Variants in OR8A1 observed in about 807,000 individuals in gnomAD.
OR8A1 encodes the protein olfactory receptor family 8 subfamily A member 1.
OR8A1 carries 5 observed loss-of-function variants against 13.4 expected under a neutral mutation model. The observed-to-expected ratio is 0.37, with a 90% CI of 0.19 to 0.78. The LOEUF (loss-of-function observed/expected upper bound fraction) is 0.78, where lower values mean the gene tolerates loss of function less well. Among genes scored for constraint, OR8A1 ranks in the 30% least tolerant of loss-of-function variants. OR8A1 has a pLI of 0.47. For missense variants in OR8A1, 354 were observed against 374.8 expected (o/e 0.94, Z 0.46); for synonymous variants, 156 against 150.4 (o/e 1.04, Z -0.27).
chr11:124,570,176 G>C lies in OR8A1; in HGVS notation c.57G>C (p.Lys19Asn), dbSNP rs371437140. 18 of 1,613,982 alleles carry C rather than the reference G, an allele frequency of 1.1e-5. No individual in the cohort carries two copies. The South Asian group carries it at 1.8e-4, about 16-fold the overall frequency. ...VTEFILKGLT[K>N]RADLQLPLFL... is the part of the protein sequence containing the mutation. ...AGTTCATTCTCAAGGGTTTAACGAA[G>C]AGAGCAGACCTCCAGCTCCCCCTCT... Residue 19 changes from lysine to asparagine, a missense_variant, in exon 1 of 1, where the codon AAG becomes AAC. By Grantham distance (94) the Lys-to-Asn change is moderately conservative. Transcript: ENST00000284287.
At position 124,570,592 on chromosome 11, in the gene OR8A1, T is replaced by C. The variant is rs192973953; in HGVS notation, c.473T>C (p.Ile158Thr). 16 of 1,614,126 alleles carry C rather than the reference T, an allele frequency of 9.9e-6. No homozygotes were observed. Among genetic ancestry groups the C allele is most frequent in the Non-Finnish European group, 1.4e-5 (16 of 1,180,004 alleles). ...VYAIGLIGST[I>T]ETGLMLKLPY... ...GCCATCGGACTCATTGGCTCCACAATAGAAACTGGCCTCATGTTAAAACTG... is the reference window on the plus strand; with the variant it reads ...GCCATCGGACTCATTGGCTCCACAACAGAAACTGGCCTCATGTTAAAACTG... The change falls in exon 1 of 1, where the codon ATA becomes ACA. Residue 158 changes from isoleucine (I) to threonine (T), a missense_variant. Coordinates refer to ENST00000284287, the MANE Select transcript of OR8A1 (RefSeq NM_001005194.2).
Position 124,570,923 on chromosome 11 carries a change from C to G in OR8A1, c.804C>G (p.Thr268=), listed in dbSNP as rs142548119. 2.7e-5 allele frequency: 43 copies of G among 1,613,894 alleles called. No homozygotes were observed. The African/African-American group carries it at 4.3e-4, about 16-fold the overall frequency. ...AACCCTCCACAATCAGTTCCTTGACCCAGGAGAATGTGGCCTCTGTGTTCT... is the reference window on the plus strand; with the variant it reads ...AACCCTCCACAATCAGTTCCTTGACGCAGGAGAATGTGGCCTCTGTGTTCT... ...YLKPSTISSL[T]QENVASVFYT... is the part of the protein sequence containing the mutation. Residue 268 remains threonine, a synonymous_variant, in exon 1 of 1, where the codon ACC becomes ACG. Coordinates refer to ENST00000284287, the MANE Select transcript of OR8A1 (RefSeq NM_001005194.2).
chr11:124,571,228 C>G lies in OR8A1; in HGVS notation c.*179C>G. On this transcript the variant is annotated 3_prime_UTR_variant, in exon 1 of 1. Transcript: ENST00000284287. ...CTTCCTTTCCTCTTCCTTCCTCTTCCTTCCTTCCTCTTCTTTCCTCTTCCT... is the reference window on the plus strand; with the variant it reads ...CTTCCTTTCCTCTTCCTTCCTCTTCGTTCCTTCCTCTTCTTTCCTCTTCCT... 1 of 579,752 alleles carries G rather than the reference C, an allele frequency of 1.7e-6. No homozygotes were observed. The highest frequency in any genetic ancestry group is 2.9e-5 in the East Asian group (1 of 34,350). The allele number at this position is 579,752 out of a possible 1,614,324, so 35.9% of individuals were successfully genotyped here. A position where few individuals can be genotyped will look rare whatever the true frequency, so the allele number is the denominator to read the frequency against.
chr11:124,571,160 G>A lies in OR8A1; in HGVS notation c.*111G>A, dbSNP rs550265646. 50 of 1,041,588 alleles carry A rather than the reference G, an allele frequency of 4.8e-5. No individual in the cohort carries two copies. In the African/African-American group the frequency reaches 7.1e-4, roughly 15 times the overall value. The allele number at this position is 1,041,588 out of a possible 1,614,324, so 64.5% of individuals were successfully genotyped here. A position where few individuals can be genotyped will look rare whatever the true frequency, so the allele number is the denominator to read the frequency against. On this transcript the variant is annotated 3_prime_UTR_variant, in exon 1 of 1. Transcript: ENST00000284287. ...TGGAAAATAATCACTTCTCCACATG[G>A]CTGGGTGAATGGGCATTTTTCCTTC...
At position 124,570,182 on chromosome 11, in the gene OR8A1, A is replaced by G. The variant is rs61748615; in HGVS notation, c.63A>G (p.Ala21=). 2.3e-4 allele frequency: 366 copies of G among 1,614,014 alleles called. 3 individuals carry two copies. In the African/African-American group the frequency reaches 4.1e-3, roughly 18 times the overall value. ...TTCTCAAGGGTTTAACGAAGAGAGC[A>G]GACCTCCAGCTCCCCCTCTTTCTCC... The part of the protein sequence containing the change: ...EFILKGLTKR[A]DLQLPLFLLF... Residue 21 remains alanine, a synonymous_variant, in exon 1 of 1, where the codon GCA becomes GCG. Coordinates refer to ENST00000284287, the MANE Select transcript of OR8A1 (RefSeq NM_001005194.2).
Position 124,570,022 on chromosome 11 carries a change from C to T in OR8A1, c.-98C>T, listed in dbSNP as rs1862655675. 6.4e-7 allele frequency: 1 copy of T among 1,554,192 alleles called. No individual in the cohort carries two copies. Among genetic ancestry groups the T allele is most frequent in the Admixed American group, 1.9e-5 (1 of 53,110 alleles). On this transcript the variant is annotated 5_prime_UTR_variant, in exon 1 of 1. Coordinates refer to ENST00000284287, the MANE Select transcript of OR8A1 (RefSeq NM_001005194.2). ...CATCAGCAGAGAGCCCAGGATGTTT[C>T]ACTAGCACCAAAGGCTCAAGACTAG... is the stretch of plus-strand genomic sequence containing the variant.
chr11:124,571,104 T>G lies in OR8A1; in HGVS notation c.*55T>G. The G allele has an allele frequency of 1.3e-6, 2 of 1,497,138 alleles. No homozygotes were observed. The highest frequency in any genetic ancestry group is 1.8e-6 in the Non-Finnish European group (2 of 1,106,884). 92.7% of individuals were successfully genotyped at this position (1,497,138 alleles called of 1,614,324 possible). A position where few individuals can be genotyped will look rare whatever the true frequency, so the allele number is the denominator to read the frequency against. ...GTGGTAATTGTTATAAATACCAGAG[T>G]GACAGCTTCTGAATGCTGGCCAGCT... On this transcript the variant is annotated 3_prime_UTR_variant, in exon 1 of 1. Coordinates refer to ENST00000284287, the MANE Select transcript of OR8A1 (RefSeq NM_001005194.2).
rs1862679811 is a variant in OR8A1 at position 124,571,061 on chromosome 11, T to C, written c.*12T>C. ...GTAAACTGTTTTGATGCAAATGTTA[T>C]TGTTCCTTTTCAATTTAGTGGTAAT... On this transcript the variant is annotated 3_prime_UTR_variant, in exon 1 of 1. Coordinates refer to ENST00000284287, the MANE Select transcript of OR8A1 (RefSeq NM_001005194.2). 6.3e-7 allele frequency: 1 copy of C among 1,594,216 alleles called. No homozygotes were observed. Among genetic ancestry groups the C allele is most frequent in the Non-Finnish European group, 8.5e-7 (1 of 1,170,752 alleles).
In OR8A1 at chr11:124,571,117, A is replaced by C; in HGVS notation, c.*68A>C. 1.4e-6 allele frequency: 2 copies of C among 1,449,824 alleles called. No individual in the cohort carries two copies. The highest frequency in any genetic ancestry group is 1.9e-6 in the Non-Finnish European group (2 of 1,070,830). 89.8% of individuals were successfully genotyped at this position (1,449,824 alleles called of 1,614,324 possible). A position where few individuals can be genotyped will look rare whatever the true frequency, so the allele number is the denominator to read the frequency against. ...TAAATACCAGAGTGACAGCTTCTGA[A>C]TGCTGGCCAGCTGTGGATGGAAAAT... On this transcript the variant is annotated 3_prime_UTR_variant, in exon 1 of 1. Coordinates refer to ENST00000284287, the MANE Select transcript of OR8A1 (RefSeq NM_001005194.2).
rs145520583 is a variant in OR8A1, at chr11:124,571,034, G to A, written c.915G>A (p.Arg305=). The A allele has an allele frequency of 1.9e-6, 3 of 1,610,310 alleles. No individual in the cohort carries two copies. Among genetic ancestry groups the A allele is most frequent in the African/African-American group, 2.7e-5 (2 of 74,712 alleles). Residue 305 remains arginine, a synonymous_variant, in exon 1 of 1, where the codon AGG becomes AGA. Transcript: ENST00000284287. ...AGGCTGCCGTGCAGAAAACGCTGAG[G>A]GGTAAACTGTTTTGATGCAAATGTT... ...EVKAAVQKTL[R]GKLF
rs765519488 is a variant in OR8A1 at position 124,570,228 on chromosome 11, G to A, written c.109G>A (p.Val37Ile). 1.8e-5 allele frequency: 29 copies of A among 1,613,732 alleles called. No individual in the cohort carries two copies. Among genetic ancestry groups the A allele is most frequent in the Non-Finnish European group, 2.5e-5 (29 of 1,179,982 alleles). Residue 37 changes from valine (V) to isoleucine (I), a missense_variant, in exon 1 of 1, where the codon GTC (valine) becomes ATC (isoleucine). Val to Ile is a conservative substitution (Grantham distance 29). Coordinates refer to ENST00000284287, the MANE Select transcript of OR8A1 (RefSeq NM_001005194.2). Reference sequence around the variant, plus strand: ...TCTCCTCTTCCTCGGGATCTACTTGGTCACCATCGTGGGGAACCTGGGCAT... The same window carrying A: ...TCTCCTCTTCCTCGGGATCTACTTGATCACCATCGTGGGGAACCTGGGCAT... ...LFLLFLGIYL[V>I]TIVGNLGMIT...
chr11:124,571,003 A>G lies in OR8A1; in HGVS notation c.884A>G (p.Glu295Gly), dbSNP rs1862678576. ...NPLIYSLRNK[E>G]VKAAVQKTLR... ...CTAATCTACAGCCTGAGGAACAAGG[A>G]AGTAAAGGCTGCCGTGCAGAAAACG... Residue 295 changes from glutamate (E) to glycine (G), a missense_variant, in exon 1 of 1, where the codon GAA becomes GGA. Coordinates refer to ENST00000284287, the MANE Select transcript of OR8A1 (RefSeq NM_001005194.2). The G allele has an allele frequency of 2.5e-6, 4 of 1,613,768 alleles. No homozygotes were observed. Among genetic ancestry groups the G allele is most frequent in the Non-Finnish European group, 3.4e-6 (4 of 1,179,838 alleles).
chr11:124,570,567 G>C lies in OR8A1; in HGVS notation c.448G>C (p.Ala150Pro), dbSNP rs371651542. 3 of 1,613,964 alleles carry C rather than the reference G, an allele frequency of 1.9e-6. No homozygotes were observed. The highest frequency in any genetic ancestry group is 2.5e-6 in the Non-Finnish European group (3 of 1,180,008). The change falls in exon 1 of 1, where the codon GCC becomes CCC. Residue 150 changes from alanine to proline, a missense_variant. By Grantham distance (27) the Ala-to-Pro change is conservative (BLOSUM62 -1). Coordinates refer to ENST00000284287, the MANE Select transcript of OR8A1 (RefSeq NM_001005194.2). ...CCTGCTGCTGGTGGCTGTGGTCTAC[G>C]CCATCGGACTCATTGGCTCCACAAT... Reference protein sequence around the residue: ...TCLLLVAVVYAIGLIGSTIET... With the variant: ...TCLLLVAVVYPIGLIGSTIET...
At position 124,570,976 on chromosome 11, in the gene OR8A1, C is replaced by T; in HGVS notation, c.857C>T (p.Pro286Leu). 1 of 1,613,950 alleles carries T rather than the reference C, an allele frequency of 6.2e-7. No individual in the cohort carries two copies. The highest frequency in any genetic ancestry group is 1.1e-5 in the South Asian group (1 of 91,062). Reference sequence around the variant, plus strand: ...ACCACGGTAATCCCCATGTTGAATCCCCTAATCTACAGCCTGAGGAACAAG... The same window carrying T: ...ACCACGGTAATCCCCATGTTGAATCTCCTAATCTACAGCCTGAGGAACAAG... ...FYTTVIPMLN[P>L]LIYSLRNKEV... Residue 286 changes from proline to leucine, a missense_variant, in exon 1 of 1, where the codon CCC becomes CTC. Coordinates refer to ENST00000284287, the MANE Select transcript of OR8A1 (RefSeq NM_001005194.2).
In OR8A1 at chr11:124,570,952, C is replaced by G. The variant is rs150551412; in HGVS notation, c.833C>G (p.Thr278Ser). The part of the protein sequence containing the change: ...TQENVASVFY[T>S]TVIPMLNPLI... ...GAGAATGTGGCCTCTGTGTTCTACA[C>G]CACGGTAATCCCCATGTTGAATCCC... The change falls in exon 1 of 1, where the codon ACC becomes AGC. Residue 278 changes from threonine (T) to serine (S), a missense_variant. By Grantham distance (58) the Thr-to-Ser change is moderately conservative (BLOSUM62 1). Transcript: ENST00000284287. 6.9e-5 allele frequency: 111 copies of G among 1,614,042 alleles called. No homozygotes were observed. Among genetic ancestry groups the G allele is most frequent in the Middle Eastern group, 3.3e-4 (2 of 6,062 alleles).
Position 124,570,464 on chromosome 11 carries a change from G to C in OR8A1, c.345G>C (p.Leu115=). Residue 115 remains leucine, a synonymous_variant, in exon 1 of 1, where the codon CTG becomes CTC. Coordinates refer to ENST00000284287, the MANE Select transcript of OR8A1 (RefSeq NM_001005194.2). ...TTGTCATTGCTGAGTGTTACATGCT[G>C]ACAGTGATGGCCTACGACCGCTATG... ...LVFVIAECYM[L]TVMAYDRYVA... is the part of the protein sequence containing the mutation. The C allele has an allele frequency of 6.2e-7, 1 of 1,614,040 alleles. No homozygotes were observed. The highest frequency in any genetic ancestry group is 8.5e-7 in the Non-Finnish European group (1 of 1,179,994).
rs761524316 is a variant in OR8A1, at chr11:124,570,485, C to T, written c.366C>T (p.Arg122=). The change falls in exon 1 of 1, where the codon CGC becomes CGT. Residue 122 remains arginine, a synonymous_variant. Transcript: ENST00000284287. ...CYMLTVMAYD[R]YVAICHPLLY... is the part of the protein sequence containing the mutation. Reference sequence around the variant, plus strand: ...TGCTGACAGTGATGGCCTACGACCGCTATGTTGCCATCTGCCACCCTTTGC... The same window carrying T: ...TGCTGACAGTGATGGCCTACGACCGTTATGTTGCCATCTGCCACCCTTTGC... The T allele has an allele frequency of 9.9e-6, 16 of 1,613,974 alleles. No homozygotes were observed. Among genetic ancestry groups the T allele is most frequent in the Non-Finnish European group, 1.2e-5 (14 of 1,180,000 alleles).
At position 124,571,082 on chromosome 11, in the gene OR8A1, G is replaced by T. The variant is rs1389721837; in HGVS notation, c.*33G>T. The stretch of plus-strand genomic sequence containing the variant: ...GTTATTGTTCCTTTTCAATTTAGTG[G>T]TAATTGTTATAAATACCAGAGTGAC... On this transcript the variant is annotated 3_prime_UTR_variant, in exon 1 of 1. Transcript: ENST00000284287. 2 of 1,570,288 alleles carry T rather than the reference G, an allele frequency of 1.3e-6. No homozygotes were observed. The highest frequency in any genetic ancestry group is 8.6e-7 in the Non-Finnish European group (1 of 1,158,658).
chr11:124,570,269 T>C lies in OR8A1; in HGVS notation c.150T>C (p.Cys50=). The C allele has an allele frequency of 6.2e-7, 1 of 1,614,046 alleles. No homozygotes were observed. Among genetic ancestry groups the C allele is most frequent in the Non-Finnish European group, 8.5e-7 (1 of 1,179,996 alleles). The change falls in exon 1 of 1, where the codon TGT becomes TGC. Residue 50 remains cysteine (C), a synonymous_variant. Coordinates refer to ENST00000284287, the MANE Select transcript of OR8A1 (RefSeq NM_001005194.2). ...ACCTGGGCATGATCACTCTAATTTG[T>C]CTGAACTCTCAGCTGCACACCCCCA... is the stretch of plus-strand genomic sequence containing the variant. ...VGNLGMITLI[C]LNSQLHTPMY... is the part of the protein sequence containing the mutation.
Sources: allele counts gnomAD v4.1 joint callset, GRCh38; gene constraint gnomAD v4.1.1; transcripts MANE v1.5; gene names NCBI Gene and HGNC (gene_info 2026-07-23, HGNC 2026-07-21).